MLLT10: variants seen among roughly 807,000 people sequenced by gnomAD.
The protein encoded by MLLT10 is MLLT10 histone lysine methyltransferase DOT1L cofactor.
In MLLT10, 30 loss-of-function variants were observed where a neutral mutation model predicts 129.1. The observed-to-expected ratio is 0.23, with a 90% CI of 0.17 to 0.32. The LOEUF is 0.32. Ranked by LOEUF, MLLT10 falls within the 10% of genes least tolerant of loss-of-function variation. The pLI, the probability that MLLT10 is intolerant of heterozygous loss-of-function variation, is 1.00. For missense variants in MLLT10, 1,119 were observed against 1,268.3 expected, an observed-to-expected ratio of 0.88 and a Z score of 1.79; for synonymous variants, 490 against 446.4, an observed-to-expected ratio of 1.10 and a Z score of -1.23.
chr10:21,551,863 C>A (rs982369347), intron 3 of MLLT10: 3 of 375,484 alleles, frequency 8.0e-6, no homozygotes, highest in African/African-American at 4.5e-5. Context: ...GGTGTGATCT[C>A]AGCCCACTGC....
intron 8 of MLLT10, among the ~76,000 whole-genome samples, chr10:21,637,465 C>G (rs1337331679): frequency 6.6e-6 from 1 of 152,160 alleles, no homozygotes; most frequent in African/African-American, 2.4e-5. Flanking sequence ...TGAATCTGTT[C>G]CTATACTTTC....
At chr10:21,698,331 T>C (rs779141866) in intron 13 of MLLT10, among the ~76,000 whole-genome samples, 2 of 152,220 alleles carry the variant, frequency 1.3e-5, no homozygotes, top group African/African-American at 4.8e-5. Context: ...TTTGTCTTTC[T>C]GTGCCTGGCT....
At chr10:21,534,860 G>C in intron 2 of MLLT10, 56 bp downstream of exon 2, 2 of 1,302,504 alleles carry the variant, frequency 1.5e-6, no homozygotes, top group Non-Finnish European at 2.0e-6. Flanking sequence ...GGTCACCGCC[G>C]CCCCCACCTG....
intron 21 of MLLT10, among the ~76,000 whole-genome samples, chr10:21,736,659 G>A (rs760460004): frequency 6.6e-6 from 1 of 152,226 alleles, no homozygotes; most frequent in Non-Finnish European, 1.5e-5. Flanking sequence ...TGGTTGGTTA[G>A]TGACTTTTAC....
At chr10:21,567,081 G>A (rs1263445148) in intron 3 of MLLT10, among the ~76,000 whole-genome samples, 2 of 152,022 alleles carry the variant, frequency 1.3e-5, no homozygotes, top group African/African-American at 4.8e-5. Context: ...CCAAAGTGAT[G>A]GGATTACAGG....
At chr10:21,656,181 G>A (rs1321056957) in intron 9 of MLLT10, among the ~76,000 whole-genome samples, 1 of 152,084 alleles carries the variant, frequency 6.6e-6, no homozygotes, top group African/African-American at 2.4e-5. Context: ...CCTTTTTGGG[G>A]AACGGTGTCA....
intron 3 of MLLT10, among the ~76,000 whole-genome samples, chr10:21,548,125 A>G (rs1358024383): frequency 6.6e-6 from 1 of 151,968 alleles, no homozygotes; most frequent in Non-Finnish European, 1.5e-5. Flanking sequence ...TAAAGATTTT[A>G]TTCTAGTTTG....
intron 3 of MLLT10, among the ~76,000 whole-genome samples, chr10:21,558,188 T>C (rs1292535761): frequency 6.6e-6 from 1 of 152,014 alleles, no homozygotes; most frequent in African/African-American, 2.4e-5. Flanking sequence ...TGACCTCCGG[T>C]GATCCACCCA....
intron 3 of MLLT10, among the ~76,000 whole-genome samples, chr10:21,575,122 A>G (rs1456953486): frequency 6.6e-6 from 1 of 151,592 alleles, no homozygotes; most frequent in Admixed American, 6.6e-5. Context: ...TCTTTTTTCT[A>G]CTTACTTTGG....
intron 5 of MLLT10, among the ~76,000 whole-genome samples, chr10:21,601,456 A>T (rs1432494271): frequency 1.3e-5 from 2 of 152,218 alleles, no homozygotes; most frequent in Non-Finnish European, 2.9e-5. Context: ...TAGCAGCTTA[A>T]AATTGTTCAT....
chr10:21,635,162 A>G (rs575920878), intron 8 of MLLT10, among the ~76,000 whole-genome samples: 9 of 152,140 alleles, frequency 5.9e-5, no homozygotes, highest in Admixed American at 5.2e-4. Flanking sequence ...TGCGTTTCTC[A>G]AATTGGCTCT....
Position 21,731,158 on chromosome 10 carries a change from A to G in MLLT10, c.2218+104A>G, listed in dbSNP as rs1006010435. Reference sequence around the variant, plus strand: ...TTTCATCCAGAGTAGTAATGGGATTATGATATACATTTTATATAATACAGT... The same window carrying G: ...TTTCATCCAGAGTAGTAATGGGATTGTGATATACATTTTATATAATACAGT... On this transcript the variant is annotated intron_variant, in intron 17 of 22. Coordinates refer to ENST00000307729, the MANE Select transcript of MLLT10 (RefSeq NM_001195626.3). 1.5e-4 allele frequency: 161 copies of G among 1,042,942 alleles called. 1 individual carries two copies. The highest frequency in any genetic ancestry group is 4.7e-4 in the Middle Eastern group (2 of 4,218). The allele number at this position is 1,042,942 out of a possible 1,614,324, so 64.6% of individuals were successfully genotyped here.
rs1589763264 is a variant in MLLT10 at position 21,711,446 on chromosome 10, G to A, written c.1700-2326G>A. 3.3e-5 allele frequency among the ~76,000 whole-genome samples: 5 copies of A among 151,924 alleles called. 1 individual carries two copies. The highest frequency in any genetic ancestry group is 1.3e-4 in the Admixed American group (2 of 15,268). ...CAAAAAAGAAACTAGCTTGAGGCTG[G>A]GCATGGTGGCTCATGCGTGTGATGC... On this transcript the variant is annotated intron_variant, in intron 13 of 22. Coordinates refer to ENST00000307729, the MANE Select transcript of MLLT10 (RefSeq NM_001195626.3).
At chr10:21,572,044 C>T (rs1229832065) in intron 3 of MLLT10, 7 of 152,094 alleles carry the variant, frequency 4.6e-5, no homozygotes, top group African/African-American at 1.7e-4. Flanking sequence ...CCTTTATTTC[C>T]TCTAAAAGGT....
intron 15 of MLLT10, among the ~76,000 whole-genome samples, chr10:21,726,681 CTTTTT>C (rs35036202): frequency 8.0e-5 from 7 of 87,586 alleles, no homozygotes; most frequent in East Asian, 4.6e-4. Context: ...TAGCAATGTC[CTTTTT>C]TTTTTTTTTT....
intron 3 of MLLT10, among the ~76,000 whole-genome samples, chr10:21,559,276 G>A (rs908870197): frequency 6.6e-6 from 1 of 152,158 alleles, no homozygotes; most frequent in Admixed American, 6.6e-5. Flanking sequence ...TAGAGAAGGG[G>A]TTTCACTATG....
intron 3 of MLLT10, among the ~76,000 whole-genome samples, chr10:21,583,579 A>G (rs1186927497): frequency 6.6e-6 from 1 of 152,198 alleles, no homozygotes; most frequent in Non-Finnish European, 1.5e-5. Context: ...GTATACCACC[A>G]ACATCTTTGG....
chr10:21,611,047 A>C (rs112673651), intron 5 of MLLT10, among the ~76,000 whole-genome samples: 1,889 of 122,706 alleles, frequency 0.015, 23 homozygotes, highest in Middle Eastern at 0.089. Context: ...CCCAGCCTGG[A>C]GTGCAATGGC....
At chr10:21,550,268 G>A (rs2036786361) in intron 3 of MLLT10, among the ~76,000 whole-genome samples, 1 of 152,142 alleles carries the variant, frequency 6.6e-6, no homozygotes, top group African/African-American at 2.4e-5. Context: ...GATTTCTAGA[G>A]TGAGTCATCT....
Sources: allele counts gnomAD v4.1 joint callset (sites outside exome capture counted in the v4.1 genomes callset), GRCh38; gene constraint gnomAD v4.1.1; transcripts MANE v1.5; gene names NCBI Gene and HGNC (gene_info 2026-07-23, HGNC 2026-07-21).